Variants in ATP2B4 observed in about 807,000 individuals in gnomAD.
ATP2B4 encodes ATPase plasma membrane Ca2+ transporting 4, also known as plasma membrane calcium-transporting ATPase 4.
Under a neutral mutation model 110.3 loss-of-function variants are expected in ATP2B4, and 39 were observed. That is an observed-to-expected ratio of 0.35 (90% CI 0.27 to 0.46). The LOEUF is 0.46. Among genes scored for constraint, ATP2B4 ranks in the 20% least tolerant of loss-of-function variants. ATP2B4 has a pLI of 1.00. For synonymous variants in ATP2B4, 538 were observed against 571.7 expected (o/e 0.94, Z 0.84); for missense variants, 1,135 against 1,530.9 (o/e 0.74, Z 4.32).
At position 203,640,484 on chromosome 1, in the gene ATP2B4, A is replaced by AT. The variant is rs571053296; in HGVS notation, c.-465+13277dup. 9.8e-3 allele frequency among the ~76,000 whole-genome samples: 1,441 copies of AT among 146,912 alleles called. 22 individuals are homozygous for AT. Among genetic ancestry groups the AT allele is most frequent in the African/African-American group, 0.029 (1,150 of 40,214 alleles). ...AAGTGCGTGCCACCATGCCCAGCTAATTTTTTTTTTTTGAATTTTTAGTAG... is the reference window on the plus strand; with the variant it reads ...AAGTGCGTGCCACCATGCCCAGCTAATTTTTTTTTTTTTGAATTTTTAGTAG... On this transcript the variant is annotated intron_variant, in intron 1 of 20. Transcript: ENST00000357681.
chr1:203,673,823 T>C (rs1664746892), intron 1 of ATP2B4, among the ~76,000 whole-genome samples: 1 of 152,194 alleles, frequency 6.6e-6, no homozygotes, highest in South Asian at 2.1e-4. Context: ...TCTTCCCCCT[T>C]GTCCTGAGGA....
intron 19 of ATP2B4, 95 bp from the exon 20 acceptor site, chr1:203,727,300 G>A (rs911957415): frequency 1.9e-5 from 28 of 1,448,988 alleles, no homozygotes; most frequent in Non-Finnish European, 2.6e-5. Flanking sequence ...GTAGGGCAAA[G>A]AGTAACCTGC....
intron 3 of ATP2B4, 133 bp from the exon 4 acceptor site, chr1:203,699,327 C>T: frequency 8.1e-7 from 1 of 1,227,786 alleles, no homozygotes; most frequent in East Asian, 2.4e-5. Context: ...TATCCTCTTC[C>T]AGCCAACAGT....
chr1:203,712,304 A>T (rs150847403), intron 13 of ATP2B4, among the ~76,000 whole-genome samples, 165 bp downstream of exon 13: 103 of 152,290 alleles, frequency 6.8e-4, no homozygotes, highest in Non-Finnish European at 1.2e-3. Flanking sequence ...TAACATTGGG[A>T]GTTGCCGGCT....
At chr1:203,627,356 AAT>A (rs1370021875) in intron 1 of ATP2B4, 137 bp downstream of exon 1, 1 of 152,088 alleles carries the variant, frequency 6.6e-6, no homozygotes, top group Admixed American at 6.5e-5. Flanking sequence ...TTTTTTTTAA[AAT>A]ATGTGTGTGT....
intron 20 of ATP2B4, chr1:203,733,543 A>G: frequency 1.2e-6 from 1 of 825,982 alleles, no homozygotes; most frequent in Non-Finnish European, 1.8e-6. Flanking sequence ...AAAGACAAAA[A>G]TCCTACTCTA....
intron 12 of ATP2B4, 43 bp from the exon 13 acceptor site, chr1:203,711,917 A>G (rs1188232341): frequency 1.3e-6 from 2 of 1,594,692 alleles, no homozygotes; most frequent in Admixed American, 3.4e-5. Context: ...TACCAGGGTC[A>G]TCACCCTCAT....
intron 1 of ATP2B4, among the ~76,000 whole-genome samples, chr1:203,631,296 C>T (rs1476008748): frequency 6.6e-6 from 1 of 152,260 alleles, no homozygotes; most frequent in African/African-American, 2.4e-5. Context: ...GCCTAAGATC[C>T]TCAGCCTCAT....
chr1:203,723,829 G>A, intron 18 of ATP2B4, 52 bp from the exon 19 acceptor site: 4 of 1,460,938 alleles, frequency 2.7e-6, no homozygotes, highest in Non-Finnish European at 3.7e-6. Context: ...TGGAGGGCCA[G>A]CTGCCTGTTA....
chr1:203,681,367 G>A (rs952659670), intron 1 of ATP2B4, among the ~76,000 whole-genome samples: 2 of 152,172 alleles, frequency 1.3e-5, no homozygotes. Context: ...TCCCTTATCT[G>A]ATGGTTCTTG....
At chr1:203,721,446 C>CTGGT in intron 17 of ATP2B4, 36 bp downstream of exon 17, 1 of 1,599,198 alleles carries the variant, frequency 6.3e-7, no homozygotes, top group Non-Finnish European at 8.6e-7. Flanking sequence ...AGCTGGGGTC[C>CTGGT]TGGTTGGAGG....
rs1665140937 is a variant in ATP2B4, at chr1:203,685,102, C to T, written c.193+1704C>T. Reference sequence around the variant, plus strand: ...CTGACCTCAGGTGATCCGCTCACCTCAACCTCCCAAAGTGCTGGGATTACA... The same window carrying T: ...CTGACCTCAGGTGATCCGCTCACCTTAACCTCCCAAAGTGCTGGGATTACA... On this transcript the variant is annotated intron_variant, in intron 2 of 20. Transcript: ENST00000357681. 3.9e-5 allele frequency among the ~76,000 whole-genome samples: 6 copies of T among 152,192 alleles called. No individual in the cohort carries two copies. The South Asian group carries it at 1.2e-3, about 31-fold the overall frequency.
rs752713893 is a variant in ATP2B4, at chr1:203,707,957, G to A, written c.1410G>A (p.Leu470=). Reference sequence around the variant, plus strand: ...TCTGCTCTGATAAGACAGGCACGTTGACCATGAACCGCATGACTGTGGTAC... The same window carrying A: ...TCTGCTCTGATAAGACAGGCACGTTAACCATGAACCGCATGACTGTGGTAC... The part of the protein sequence containing the change: ...TAICSDKTGT[L]TMNRMTVVQA... The change falls in exon 10 of 21, where the codon TTG becomes TTA. Residue 470 remains leucine (L), a synonymous_variant. Coordinates refer to ENST00000357681, the MANE Select transcript of ATP2B4 (RefSeq NM_001684.5). 19 of 1,614,086 alleles carry A rather than the reference G, an allele frequency of 1.2e-5. No homozygotes were observed. The highest frequency in any genetic ancestry group is 1.5e-5 in the Non-Finnish European group (18 of 1,180,046).
rs773196781 is a variant in ATP2B4 at position 203,699,411 on chromosome 1, AT to A, written c.392-48del. The stretch of plus-strand genomic sequence containing the variant: ...GTGGAAGCACTACTCCTATTTCTTA[AT>A]GTCAACAAAAGCCCTTCAGTGACTA... On this transcript the variant is annotated intron_variant, in intron 3 of 20. Transcript: ENST00000357681. 2.5e-6 allele frequency: 4 copies of A among 1,603,112 alleles called. No individual in the cohort carries two copies. The Admixed American group carries it at 5.1e-5, about 20-fold the overall frequency.
At chr1:203,644,605 C>T (rs1260650112) in intron 1 of ATP2B4, among the ~76,000 whole-genome samples, 1 of 152,204 alleles carries the variant, frequency 6.6e-6, no homozygotes, top group African/African-American at 2.4e-5. Flanking sequence ...TCAACTCTAA[C>T]ATTCTCTGCT....
chr1:203,668,254 A>G (rs1021916200), intron 1 of ATP2B4, among the ~76,000 whole-genome samples: 1 of 152,160 alleles, frequency 6.6e-6, no homozygotes, highest in Non-Finnish European at 1.5e-5. Flanking sequence ...TTGAGTGGTC[A>G]GCTTCTTTGG....
intron 2 of ATP2B4, among the ~76,000 whole-genome samples, chr1:203,693,957 A>C (rs1306524257): frequency 6.6e-6 from 1 of 152,082 alleles, no homozygotes; most frequent in African/African-American, 2.4e-5. Flanking sequence ...CGTCCTCTGT[A>C]TCTAGGTTGG....
chr1:203,685,973 A>G (rs1665166409), intron 2 of ATP2B4, among the ~76,000 whole-genome samples: 1 of 150,820 alleles, frequency 6.6e-6, no homozygotes, highest in Admixed American at 6.6e-5. Context: ...AACTGCAACT[A>G]CTGTCCATTT....
intron 13 of ATP2B4, among the ~76,000 whole-genome samples, chr1:203,712,870 G>C (rs78771808): frequency 0.016 from 2,386 of 152,104 alleles, 69 homozygotes; most frequent in African/African-American, 0.055. Flanking sequence ...ACCCACCCGA[G>C]CCAACAGCCA....
Sources: allele counts gnomAD v4.1 joint callset (sites outside exome capture counted in the v4.1 genomes callset), GRCh38; gene constraint gnomAD v4.1.1; transcripts MANE v1.5; gene names NCBI Gene and HGNC (gene_info 2026-07-23, HGNC 2026-07-21).